HMCN2: variants seen among roughly 807,000 people sequenced by gnomAD.
HMCN2 encodes hemicentin 2.
Under a neutral mutation model 377.5 loss-of-function variants are expected in HMCN2, and 325 were observed. That is an observed-to-expected ratio of 0.86 (90% confidence interval 0.79 to 0.94). The LOEUF is 0.94. Ranked by LOEUF, HMCN2 falls within the 40% of genes least tolerant of loss-of-function variation. The pLI is 0.00. For missense variants in HMCN2, 4,543 were observed against 4,725.3 expected, an observed-to-expected ratio of 0.96 and a Z score of 1.13; for synonymous variants, 2,007 against 2,046.8, an observed-to-expected ratio of 0.98 and a Z score of 0.53.
chr9:130,346,237 C>A (rs952816180), intron 25 of HMCN2, among the ~76,000 whole-genome samples: 60 of 152,192 alleles, frequency 3.9e-4, no homozygotes, highest in African/African-American at 1.4e-3. Flanking sequence ...ACGCTGCGAC[C>A]TCTGGGCAGT....
Position 130,315,691 on chromosome 9 carries a change from C to T in HMCN2, c.2351-3804C>T, listed in dbSNP as rs995226796. 2.4e-4 allele frequency among the ~76,000 whole-genome samples: 37 copies of T among 152,106 alleles called. No individual in the cohort carries two copies. In the East Asian group the frequency reaches 7.3e-3, roughly 30 times the overall value. ...TAGACCAGGGAGCTTAAACAGTAGA[C>T]ACTCCTCACAGCTCTGGAGGCTGGA... is the stretch of plus-strand genomic sequence containing the variant. On this transcript the variant is annotated intron_variant, in intron 15 of 97. Coordinates refer to ENST00000683500, the MANE Select transcript of HMCN2 (RefSeq NM_001291815.2).
At chr9:130,348,465 G>A in intron 26 of HMCN2, 80 bp from the exon 27 acceptor site, 1 of 1,254,080 alleles carries the variant, frequency 8.0e-7, no homozygotes, top group East Asian at 5.7e-5. Flanking sequence ...CGAAGGGGAG[G>A]GAATGGCCCA....
Position 130,304,832 on chromosome 9 carries a change from C to T in HMCN2, c.1646C>T (p.Thr549Met), listed in dbSNP as rs781989549. 11 of 471,040 alleles carry T rather than the reference C, an allele frequency of 2.3e-5. No individual in the cohort carries two copies. Among genetic ancestry groups the T allele is most frequent in the Admixed American group, 1.4e-4 (6 of 42,576 alleles). The allele number at this position is 471,040 out of a possible 1,614,324, so 29.2% of individuals were successfully genotyped here. A position where few individuals can be genotyped will look rare whatever the true frequency, so the allele number is the denominator to read the frequency against. ...RVLGEAPYNLTWVRDWRVLPA... is the reference protein window; with the variant it reads ...RVLGEAPYNLMWVRDWRVLPA... The stretch of plus-strand genomic sequence containing the variant: ...CTAGGCGAGGCCCCCTACAACCTGA[C>T]GTGGGTCCGGGACTGGCGAGTCCTG... Residue 549 changes from threonine (T) to methionine (M), a missense_variant, in exon 11 of 98, where the codon ACG becomes ATG. By Grantham distance (81) the Thr-to-Met change is moderately conservative. Transcript: ENST00000683500. This position sits in a 1 kb window ranked among gnomAD's most constrained non-coding sequence, Gnocchi z 4.3.
intron 4 of HMCN2, 54 bp from the exon 5 acceptor site, chr9:130,294,801 G>A (rs782533492): frequency 2.7e-6 from 1 of 369,364 alleles, no homozygotes; most frequent in Middle Eastern, 3.8e-4. Context: ...ATCCATGGGA[G>A]GGGGAAGACA....
chr9:130,268,269 G>A (rs1184516925), intron 1 of HMCN2, among the ~76,000 whole-genome samples: 2 of 152,140 alleles, frequency 1.3e-5, no homozygotes, highest in Non-Finnish European at 2.9e-5. Context: ...GAGCTGGTGG[G>A]CAGTTCTCCA....
At position 130,432,458 on chromosome 9, in the gene HMCN2, G is replaced by A. The variant is rs1383517417; in HGVS notation, c.14797G>A (p.Glu4933Lys). The A allele has an allele frequency of 4.5e-6, 7 of 1,550,862 alleles. No individual in the cohort carries two copies. The highest frequency in any genetic ancestry group is 2.7e-5 in the African/African-American group (2 of 73,022). The change falls in exon 97 of 98, where the codon GAG becomes AAG. Residue 4933 changes from glutamate to lysine, a missense_variant. Glu to Lys is a moderately conservative substitution (Grantham distance 56, BLOSUM62 1). Around this residue, in one of 5 missense-constraint regions of HMCN2, gnomAD observed 1,155 missense variants for 1,157.7 expected, o/e 1.00. Transcript: ENST00000683500. Reference sequence around the variant, plus strand: ...CAACGAGTGCGAGGAGGAGAGCATCGAGTGTGGACCCGGCCAGATGTGCTT... The same window carrying A: ...CAACGAGTGCGAGGAGGAGAGCATCAAGTGTGGACCCGGCCAGATGTGCTT... ...DINECEEESI[E>K]CGPGQMCFNT...
chr9:130,420,231 T>C (rs1054377394), intron 86 of HMCN2, among the ~76,000 whole-genome samples: 2 of 152,012 alleles, frequency 1.3e-5, no homozygotes, highest in Non-Finnish European at 2.9e-5. Flanking sequence ...CCCGCCACCA[T>C]GCCCGGCTAG....
intron 1 of HMCN2, among the ~76,000 whole-genome samples, chr9:130,281,027 C>T (rs1170847531): frequency 1.3e-5 from 2 of 151,378 alleles, no homozygotes; most frequent in South Asian, 2.1e-4. Flanking sequence ...GGCTTGAACT[C>T]GGGAGGCAGA....
At position 130,386,502 on chromosome 9, in the gene HMCN2, G is replaced by A. The variant is rs905523190; in HGVS notation, c.9369G>A (p.Arg3123=). The A allele has an allele frequency of 5.4e-6, 7 of 1,303,692 alleles. 1 individual carries two copies. Among genetic ancestry groups the A allele is most frequent in the East Asian group, 5.6e-5 (1 of 18,016 alleles). 80.8% of individuals were successfully genotyped at this position (1,303,692 alleles called of 1,614,324 possible). The change falls in exon 61 of 98, where the codon CGG becomes CGA. Residue 3123 remains arginine (R), a synonymous_variant. Transcript: ENST00000683500. ...GCAACGTGGCTGGGGAGGCCGTGCG[G>A]ACCTTCACCCTCACCGTCCAGGGTA... ...KVSNVAGEAV[R]TFTLTVQVPP... is the part of the protein sequence containing the mutation.
intron 22 of HMCN2, among the ~76,000 whole-genome samples, chr9:130,327,711 G>T (rs1196824001): frequency 6.6e-6 from 1 of 152,202 alleles, no homozygotes; most frequent in Non-Finnish European, 1.5e-5. Flanking sequence ...CATGCACGGG[G>T]CATTGCCTGC....
chr9:130,358,084 G>C lies in HMCN2; in HGVS notation c.5580+96G>C, dbSNP rs77243195. ...GGAGACTCTGAGCAAATCCCAGCAGGCTGGGCATAGGAAGGGCCCAGAGCC... is the reference window on the plus strand; with the variant it reads ...GGAGACTCTGAGCAAATCCCAGCAGCCTGGGCATAGGAAGGGCCCAGAGCC... On this transcript the variant is annotated intron_variant, in intron 35 of 97. Transcript: ENST00000683500. The C allele has an allele frequency of 1.5e-5, 16 of 1,090,848 alleles. No individual in the cohort carries two copies. In the East Asian group the frequency reaches 9.6e-4, roughly 65 times the overall value. 67.6% of individuals were successfully genotyped at this position (1,090,848 alleles called of 1,614,324 possible). A position where few individuals can be genotyped will look rare whatever the true frequency, so the allele number is the denominator to read the frequency against.
rs759009037 is a variant in HMCN2, at chr9:130,393,846, G to T, written c.10339G>T (p.Val3447Leu). Reference protein sequence around the residue: ...CEARGVPLPLVSWMKDGEPLL... With the variant: ...CEARGVPLPLLSWMKDGEPLL... ...GGCCCGGGGCGTTCCCCTGCCTCTC[G>T]TGTCGTGGATGAAGGATGGGGAACC... The change falls in exon 68 of 98, where the codon GTG (valine) becomes TTG (leucine). Residue 3447 changes from valine (V) to leucine (L), a missense_variant. This residue lies in a region of HMCN2 where 1,073 missense variants were observed against 1,319.5 expected (regional missense o/e 0.81). Coordinates refer to ENST00000683500, the MANE Select transcript of HMCN2 (RefSeq NM_001291815.2). The surrounding 1 kb of genome is among the most constrained non-coding windows in gnomAD (Gnocchi z 5.2). 2 of 1,289,462 alleles carry T rather than the reference G, an allele frequency of 1.6e-6. No homozygotes were observed. The highest frequency in any genetic ancestry group is 1.5e-5 in the African/African-American group (1 of 65,830). The allele number at this position is 1,289,462 out of a possible 1,614,324, so 79.9% of individuals were successfully genotyped here. A position where few individuals can be genotyped will look rare whatever the true frequency, so the allele number is the denominator to read the frequency against.
rs1186803445 is a variant in HMCN2, at chr9:130,386,501, G to A, written c.9368G>A (p.Arg3123Gln). ...KVSNVAGEAV[R>Q]TFTLTVQVPP... ...AGCAACGTGGCTGGGGAGGCCGTGC[G>A]GACCTTCACCCTCACCGTCCAGGGT... Residue 3123 changes from arginine (R) to glutamine (Q), a missense_variant, in exon 61 of 98, where the codon CGG becomes CAG. This residue lies in a region of HMCN2 where 736 missense variants were observed against 773.2 expected (regional missense o/e 0.95). Transcript: ENST00000683500. 8 of 1,303,640 alleles carry A rather than the reference G, an allele frequency of 6.1e-6. No individual in the cohort carries two copies. Among genetic ancestry groups the A allele is most frequent in the East Asian group, 1.1e-4 (2 of 18,010 alleles). 80.8% of individuals were successfully genotyped at this position (1,303,640 alleles called of 1,614,324 possible).
In HMCN2 at chr9:130,379,482, C is replaced by T. The variant is rs1841583011; in HGVS notation, c.8431+15C>T. ...TGTGCTGCAAGGTGGGTCAGGGGTGCGTGAAGAAAGTGGGCGCTTTGAGCT... is the reference window on the plus strand; with the variant it reads ...TGTGCTGCAAGGTGGGTCAGGGGTGTGTGAAGAAAGTGGGCGCTTTGAGCT... On this transcript the variant is annotated intron_variant, in intron 54 of 97. Transcript: ENST00000683500. 3 of 983,150 alleles carry T rather than the reference C, an allele frequency of 3.1e-6. No individual in the cohort carries two copies. The highest frequency in any genetic ancestry group is 4.7e-5 in the South Asian group (1 of 21,236). The allele number at this position is 983,150 out of a possible 1,614,324, so 60.9% of individuals were successfully genotyped here. A position where few individuals can be genotyped will look rare whatever the true frequency, so the allele number is the denominator to read the frequency against.
chr9:130,384,969 G>A (rs536389204), intron 59 of HMCN2, among the ~76,000 whole-genome samples, 171 bp downstream of exon 59: 1 of 152,176 alleles, frequency 6.6e-6, no homozygotes, highest in Non-Finnish European at 1.5e-5. Context: ...GGCCCCAGGA[G>A]CCTGGCTGGG....
In HMCN2 at chr9:130,270,982, C is replaced by T. The variant is rs1721874161; in HGVS notation, c.259+4845C>T. ...TCAGGTTGTGAGTTTCTCAGGCTTA[C>T]TTTCGTTTTGGTGAAATTGACAGTT... On this transcript the variant is annotated intron_variant, in intron 1 of 97. Transcript: ENST00000683500. 1.3e-5 allele frequency among the ~76,000 whole-genome samples: 2 copies of T among 149,044 alleles called. 1 individual carries two copies. The highest frequency in any genetic ancestry group is 3.0e-5 in the Non-Finnish European group (2 of 66,384).
intron 1 of HMCN2, among the ~76,000 whole-genome samples, chr9:130,278,834 G>T (rs945786404): frequency 4.0e-5 from 6 of 151,178 alleles, no homozygotes; most frequent in African/African-American, 1.5e-4. Context: ...ACCCGCCTCG[G>T]CTTCCCAAAG....
chr9:130,365,212 A>G (rs1483526977), intron 41 of HMCN2, among the ~76,000 whole-genome samples: 1 of 152,208 alleles, frequency 6.6e-6, no homozygotes, highest in Non-Finnish European at 1.5e-5. Context: ...GCCTAGCCCC[A>G]GCAACCCCAT....
At chr9:130,277,197 T>C (rs548247017) in intron 1 of HMCN2, among the ~76,000 whole-genome samples, 11 of 152,368 alleles carry the variant, frequency 7.2e-5, no homozygotes, top group Admixed American at 7.2e-4. Flanking sequence ...ACCCCGCCTG[T>C]GGCTTGGTGG....
Sources: gnomAD v4.1 joint callset for allele counts (sites outside exome capture counted in the v4.1 genomes callset) on GRCh38, gnomAD v4.1.1 for gene constraint, gnomAD v4.1.1 regional missense constraint, Gnocchi (gnomAD v3.1) non-coding constraint, MANE v1.5 for transcripts, NCBI Gene and HGNC (gene_info 2026-07-23, HGNC 2026-07-21) for gene names.